S100A12: variants seen among roughly 807,000 people sequenced by gnomAD.
The protein encoded by S100A12 is S100 calcium binding protein A12.
Under a neutral mutation model 4.0 loss-of-function variants are expected in S100A12, and 3 were observed. The observed-to-expected ratio is 0.75, with a 90% CI of 0.34 to 1.94. S100A12 has a LOEUF of 1.94. S100A12 is among the 30% of genes most tolerant of loss of function. The pLI is 0.07. For missense variants in S100A12, 122 were observed against 107.0 expected (o/e 1.14, Z -0.62); for synonymous variants, 50 against 41.4 (o/e 1.21, Z -0.79).
Position 153,373,989 on chromosome 1 carries a change from G to A in S100A12, c.139-22C>T, listed in dbSNP as rs935574921. 4.3e-6 allele frequency: 7 copies of A among 1,612,354 alleles called. No individual in the cohort carries two copies. The South Asian group carries it at 6.6e-5, about 15-fold the overall frequency. ...TATTCTAGGAAAAAAGGACAACAGA[G>A]ACCTTGAGTTCAGAACCTCCACACA... On this transcript the variant is annotated intron_variant, in intron 2 of 2. Coordinates refer to ENST00000368737, the MANE Select transcript of S100A12 (RefSeq NM_005621.2).
At chr1:153,375,418 A>C (rs774453545) in intron 1 of S100A12, 134 bp downstream of exon 1, 1 of 152,290 alleles carries the variant, frequency 6.6e-6, no homozygotes, top group Non-Finnish European at 1.5e-5. Flanking sequence ...TTGGGTCCAA[A>C]ATGCAATATC....
At chr1:153,374,369 C>T in intron 2 of S100A12, 86 bp downstream of exon 2, 1 of 1,413,918 alleles carries the variant, frequency 7.1e-7, no homozygotes, top group Non-Finnish European at 9.6e-7. Flanking sequence ...CACCCCAGTC[C>T]TTGTCCCACC....
At chr1:153,374,420 A>C (rs2101600311) in intron 2 of S100A12, 35 bp downstream of exon 2, 1 of 1,599,116 alleles carries the variant, frequency 6.3e-7, no homozygotes, top group Middle Eastern at 2.0e-4. Flanking sequence ...GTGCAGGGTC[A>C]TGGGCAAGTT....
At chr1:153,374,668 A>C in intron 1 of S100A12, 56 bp from the exon 2 acceptor site, 2 of 1,161,410 alleles carry the variant, frequency 1.7e-6, no homozygotes, top group East Asian at 4.8e-5. Flanking sequence ...CTCAACCTCC[A>C]CTCTCCCCTC....
At position 153,373,800 on chromosome 1, in the gene S100A12, C is replaced by T; in HGVS notation, c.*27G>A. The T allele has an allele frequency of 6.2e-7, 1 of 1,605,164 alleles. No homozygotes were observed. Among genetic ancestry groups the T allele is most frequent in the Non-Finnish European group, 8.5e-7 (1 of 1,172,176 alleles). On this transcript the variant is annotated 3_prime_UTR_variant, in exon 3 of 3. Transcript: ENST00000368737. ...GAAAAGACCCTCATTGAGGACATTGCTGGGTAAAAAGCCTTCAGAGAGCTA... is the reference window on the plus strand; with the variant it reads ...GAAAAGACCCTCATTGAGGACATTGTTGGGTAAAAAGCCTTCAGAGAGCTA...
chr1:153,373,904 G>C lies in S100A12; in HGVS notation c.202C>G (p.Gln68Glu), dbSNP rs754293662. Residue 68 changes from glutamine to glutamate, a missense_variant, in exon 3 of 3, where the codon CAG becomes GAG. Physicochemically the swap from Gln to Glu is conservative, Grantham distance 29. Coordinates refer to ENST00000368737, the MANE Select transcript of S100A12 (RefSeq NM_005621.2). ...GATATGAATTCTTGAAAGTCGACCT[G>C]TTCATCTTGATTAGCATCCAGGCCT... Reference protein sequence around the residue: ...FQGLDANQDEQVDFQEFISLV... With the variant: ...FQGLDANQDEEVDFQEFISLV... 1 of 1,612,376 alleles carries C rather than the reference G, an allele frequency of 6.2e-7. No homozygotes were observed. The highest frequency in any genetic ancestry group is 8.5e-7 in the Non-Finnish European group (1 of 1,178,548).
rs1215994743 is a variant in S100A12 at position 153,373,926 on chromosome 1, G to T, written c.180C>A (p.Gly60=). The T allele has an allele frequency of 6.2e-7, 1 of 1,612,962 alleles. No homozygotes were observed. Among genetic ancestry groups the T allele is most frequent in the African/African-American group, 1.3e-5 (1 of 75,018 alleles). Residue 60 remains glycine (G), a synonymous_variant, in exon 3 of 3, where the codon GGC becomes GGA. Coordinates refer to ENST00000368737, the MANE Select transcript of S100A12 (RefSeq NM_005621.2). ...DKAVIDEIFQ[G]LDANQDEQVD... is the part of the protein sequence containing the mutation. ...CCTGTTCATCTTGATTAGCATCCAG[G>T]CCTTGGAATATTTCATCAATGACAG... is the stretch of plus-strand genomic sequence containing the variant.
intron 1 of S100A12, 32 bp from the exon 2 acceptor site, chr1:153,374,644 T>C: frequency 6.6e-7 from 1 of 1,524,452 alleles, no homozygotes; most frequent in Non-Finnish European, 9.0e-7. Flanking sequence ...CTAGAGGCAG[T>C]TTCTCCCCCA....
At position 153,373,913 on chromosome 1, in the gene S100A12, G is replaced by A. The variant is rs1661673557; in HGVS notation, c.193C>T (p.Gln65Ter). ...DEIFQGLDAN[Q>*]DEQVDFQEFI... ...TCTTGAAAGTCGACCTGTTCATCTT[G>A]ATTAGCATCCAGGCCTTGGAATATT... The change falls in exon 3 of 3, where the codon CAA becomes TAA. Residue 65 changes from glutamine (Q) to a stop codon, truncating the protein, a stop_gained. Transcript: ENST00000368737. LOFTEE classifies it low-confidence loss of function (END_TRUNC). 6.2e-7 allele frequency: 1 copy of A among 1,612,616 alleles called. No homozygotes were observed. Among genetic ancestry groups the A allele is most frequent in the African/African-American group, 1.3e-5 (1 of 74,860 alleles).
In S100A12 at chr1:153,374,557, GA is replaced by G; in HGVS notation, c.35del (p.Val12AlafsTer22). On this transcript the variant is annotated frameshift_variant, in exon 2 of 3. Transcript: ENST00000368737. LOFTEE classifies it high-confidence loss of function. Reference protein sequence around the residue: ...TKLEEHLEGIVNIFHQYSVRK... With the variant: ...TKLEEHLEGIXNIFHQYSVRK... ...GAACTGAGTATTGGTGGAAGATATT[GA>G]CAATTCCCTCCAGATGCTCTTCAAG... 6.2e-7 allele frequency: 1 copy of G among 1,613,820 alleles called. No homozygotes were observed. Among genetic ancestry groups the G allele is most frequent in the Non-Finnish European group, 8.5e-7 (1 of 1,179,724 alleles).
chr1:153,375,041 T>C (rs935649946), intron 1 of S100A12, among the ~76,000 whole-genome samples: 1 of 151,828 alleles, frequency 6.6e-6, no homozygotes, highest in Non-Finnish European at 1.5e-5. Flanking sequence ...TTTGGGTTTT[T>C]TGTTTGTTTG....
chr1:153,374,500 A>C lies in S100A12; in HGVS notation c.93T>G (p.Gly31=), dbSNP rs774641866. The stretch of plus-strand genomic sequence containing the variant: ...CCTTTGTAAGCAGCTGCTTCAGCTC[A>C]CCCTTAGAGAGGGTGTCAAAATGCC... ...RKGHFDTLSK[G]ELKQLLTKEL... is the part of the protein sequence containing the mutation. The change falls in exon 2 of 3, where the codon GGT becomes GGG. Residue 31 remains glycine, a synonymous_variant. Transcript: ENST00000368737. 1 of 1,614,010 alleles carries C rather than the reference A, an allele frequency of 6.2e-7. No homozygotes were observed. Among genetic ancestry groups the C allele is most frequent in the African/African-American group, 1.3e-5 (1 of 75,018 alleles).
rs772344360 is a variant in S100A12, at chr1:153,374,601, C to G, written c.-9G>C. ...TCTTCAAGTTTTGTCATCTTCCCAG[C>G]CTAATGTTAACCTTCAAGGAAACAA... is the stretch of plus-strand genomic sequence containing the variant. On this transcript the variant is annotated 5_prime_UTR_variant, in exon 2 of 3. Coordinates refer to ENST00000368737, the MANE Select transcript of S100A12 (RefSeq NM_005621.2). 8.7e-6 allele frequency: 14 copies of G among 1,612,100 alleles called. No homozygotes were observed. In the Admixed American group the frequency reaches 1.5e-4, roughly 17 times the overall value.
At position 153,375,551 on chromosome 1, in the gene S100A12, C is replaced by A. The variant is rs1156654677; in HGVS notation, c.-21+1G>T. On this transcript the variant is annotated splice_donor_variant, in intron 1 of 2. Transcript: ENST00000368737. LOFTEE classifies it low-confidence loss of function (5UTR_SPLICE). ...AACCCATCCAAGGAAAATGCACTTA[C>A]CCCTCAATGCACAGGAATGTGGAGC... 6.6e-6 allele frequency: 1 copy of A among 152,328 alleles called. No homozygotes were observed. The highest frequency in any genetic ancestry group is 2.4e-5 in the African/African-American group (1 of 41,450). The allele number at this position is 152,328 out of a possible 1,614,324, so 9.4% of individuals were successfully genotyped here.
At position 153,373,972 on chromosome 1, in the gene S100A12, GA is replaced by G. The variant is rs764182120; in HGVS notation, c.139-6del. ...GACAGCTTTATCTTTGATATTCTAG[GA>G]AAAAAGGACAACAGAGACCTTGAGT... On this transcript the variant is annotated splice_region_variant and splice_polypyrimidine_tract_variant and intron_variant, in intron 2 of 2. Transcript: ENST00000368737. The G allele has an allele frequency of 1.2e-6, 2 of 1,613,410 alleles. No homozygotes were observed. The highest frequency in any genetic ancestry group is 2.2e-5 in the East Asian group (1 of 44,874).
intron 1 of S100A12, among the ~76,000 whole-genome samples, chr1:153,375,233 A>T (rs1661707561): frequency 6.6e-6 from 1 of 152,026 alleles, no homozygotes; most frequent in Non-Finnish European, 1.5e-5. Flanking sequence ...TTTTTTTAGT[A>T]GAGACGGGGT....
chr1:153,373,814 T>C lies in S100A12; in HGVS notation c.*13A>G, dbSNP rs1408822925. The C allele has an allele frequency of 6.2e-7, 1 of 1,612,382 alleles. No homozygotes were observed. Among genetic ancestry groups the C allele is most frequent in the East Asian group, 2.2e-5 (1 of 44,872 alleles). ...TGAGGACATTGCTGGGTAAAAAGCC[T>C]TCAGAGAGCTACCTACTCTTTGTGG... On this transcript the variant is annotated 3_prime_UTR_variant, in exon 3 of 3. Coordinates refer to ENST00000368737, the MANE Select transcript of S100A12 (RefSeq NM_005621.2).
chr1:153,373,860 C>A lies in S100A12; in HGVS notation c.246G>T (p.Leu82=). 6 of 1,613,500 alleles carry A rather than the reference C, an allele frequency of 3.7e-6. No individual in the cohort carries two copies. Among genetic ancestry groups the A allele is most frequent in the Non-Finnish European group, 5.1e-6 (6 of 1,179,390 alleles). The change falls in exon 3 of 3, where the codon CTG becomes CTT. Residue 82 remains leucine (L), a synonymous_variant. Coordinates refer to ENST00000368737, the MANE Select transcript of S100A12 (RefSeq NM_005621.2). ...TGTGGGTGTGGTAATGGGCAGCCTT[C>A]AGCGCAATGGCTACCAGGGATATGA... ...QEFISLVAIA[L]KAAHYHTHKE is the part of the protein sequence containing the mutation.
At chr1:153,374,322 G>T in intron 2 of S100A12, 133 bp downstream of exon 2, 1 of 790,962 alleles carries the variant, frequency 1.3e-6, no homozygotes. Flanking sequence ...CAGCAGCGGG[G>T]AGAGCATCCT....
Sources: gnomAD v4.1 joint callset for allele counts (sites outside exome capture counted in the v4.1 genomes callset) on GRCh38, gnomAD v4.1.1 for gene constraint, MANE v1.5 for transcripts, NCBI Gene and HGNC (gene_info 2026-07-23, HGNC 2026-07-21) for gene names.